The following NPFFR2 variants were observed in gnomAD, a reference collection of about 807,000 sequenced individuals.
NPFFR2 encodes G-protein coupled receptor 74.
NPFFR2 carries 15 observed loss-of-function variants against 13.1 expected under a neutral mutation model. That is an observed-to-expected ratio of 1.15 (90% CI 0.77 to 1.76). The LOEUF is 1.76. Ranked by LOEUF, NPFFR2 falls within the 40% of genes most tolerant of loss-of-function variation. NPFFR2 has a pLI of 0.00. For missense variants in NPFFR2, 572 were observed against 503.5 expected (o/e 1.14, Z -1.30); for synonymous variants, 190 against 175.7 (o/e 1.08, Z -0.65).
intron 1 of NPFFR2, among the ~76,000 whole-genome samples, chr4:72,116,841 A>G (rs1170338515): frequency 1.3e-5 from 2 of 151,930 alleles, no homozygotes; most frequent in Non-Finnish European, 2.9e-5. Flanking sequence ...TTTGTGTTGT[A>G]TCTTCTTTTC....
Position 72,147,725 on chromosome 4 carries a change from C to T in NPFFR2, c.1176C>T (p.Thr392=), listed in dbSNP as rs1722833786. Residue 392 remains threonine (T), a synonymous_variant, in exon 4 of 4, where the codon ACC becomes ACT. Transcript: ENST00000308744. ...ESTFQNPHGE[T]LLYRKSAEKP... The stretch of plus-strand genomic sequence containing the variant: ...CATTTCAAAACCCTCATGGGGAAAC[C>T]TTGCTTTATAGGAAAAGTGCTGAAA... 6.2e-7 allele frequency: 1 copy of T among 1,611,142 alleles called. No individual in the cohort carries two copies. Among genetic ancestry groups the T allele is most frequent in the Non-Finnish European group, 8.5e-7 (1 of 1,179,324 alleles).
intron 3 of NPFFR2, among the ~76,000 whole-genome samples, chr4:72,142,483 G>A (rs988823205): frequency 6.6e-6 from 1 of 152,112 alleles, no homozygotes; most frequent in African/African-American, 2.4e-5. Flanking sequence ...ACCTCAGGTG[G>A]AAATGCAGAA....
At chr4:72,082,564 T>C (rs926936887) in intron 1 of NPFFR2, among the ~76,000 whole-genome samples, 2 of 152,174 alleles carry the variant, frequency 1.3e-5, no homozygotes, top group Admixed American at 6.5e-5. Flanking sequence ...ATTTATGGTG[T>C]ACATTGATGG....
At chr4:72,107,059 G>C (rs1353150749) in intron 1 of NPFFR2, among the ~76,000 whole-genome samples, 1 of 151,656 alleles carries the variant, frequency 6.6e-6, no homozygotes, top group African/African-American at 2.4e-5. Flanking sequence ...GTGTGCCCAG[G>C]ATTTTCCTGG....
At chr4:72,112,119 TTATC>T (rs1362336876) in intron 1 of NPFFR2, among the ~76,000 whole-genome samples, 3 of 151,980 alleles carry the variant, frequency 2.0e-5, no homozygotes, top group Non-Finnish European at 4.4e-5. Flanking sequence ...CTCAATGACT[TTATC>T]TATGGAAACA....
chr4:72,105,942 A>G (rs969029135), intron 1 of NPFFR2, among the ~76,000 whole-genome samples: 23 of 152,110 alleles, frequency 1.5e-4, no homozygotes, highest in African/African-American at 5.5e-4. Flanking sequence ...AAGCCCCAAG[A>G]CTATTATTGA....
At chr4:72,099,179 C>T (rs538237836) in intron 1 of NPFFR2, among the ~76,000 whole-genome samples, 1 of 152,222 alleles carries the variant, frequency 6.6e-6, no homozygotes, top group South Asian at 2.1e-4. Context: ...GAAAGCATAA[C>T]AATCACATGC....
intron 1 of NPFFR2, among the ~76,000 whole-genome samples, chr4:72,084,240 C>T (rs1720707857): frequency 1.3e-5 from 2 of 152,152 alleles, no homozygotes. Flanking sequence ...TTTACCATGG[C>T]TTGTAAAAAT....
intron 1 of NPFFR2, chr4:72,068,915 C>T (rs9884478): frequency 0.95 from 1,039,042 of 1,095,284 alleles, 497,350 homozygotes; most frequent in Non-Finnish European, 0.98. Context: ...ATTTCCAGGT[C>T]TCCTCAGTTG....
Position 72,147,875 on chromosome 4 carries a change from G to T in NPFFR2, c.*63G>T. The T allele has an allele frequency of 8.0e-7, 1 of 1,244,968 alleles. No individual in the cohort carries two copies. Among genetic ancestry groups the T allele is most frequent in the Non-Finnish European group, 1.1e-6 (1 of 925,904 alleles). 77.1% of individuals were successfully genotyped at this position (1,244,968 alleles called of 1,614,324 possible). A position where few individuals can be genotyped will look rare whatever the true frequency, so the allele number is the denominator to read the frequency against. ...TATATATTTAAATCCATTGCTTTTT[G>T]TGGCTTTGCACTTCAAATTTTTCAA... On this transcript the variant is annotated 3_prime_UTR_variant, in exon 4 of 4. Transcript: ENST00000308744.
At chr4:72,123,547 A>G (rs1721952540) in intron 1 of NPFFR2, among the ~76,000 whole-genome samples, 1 of 152,344 alleles carries the variant, frequency 6.6e-6, no homozygotes, top group East Asian at 1.9e-4. Flanking sequence ...GAGGCAGCAC[A>G]TCAAAAAGTT....
chr4:72,108,044 G>A (rs1204386624), intron 1 of NPFFR2, among the ~76,000 whole-genome samples: 1 of 151,956 alleles, frequency 6.6e-6, no homozygotes, highest in East Asian at 1.9e-4. Context: ...CTGGGACATT[G>A]AGAGTGGTGA....
intron 2 of NPFFR2, among the ~76,000 whole-genome samples, chr4:72,130,642 C>G (rs1447196440): frequency 6.6e-6 from 1 of 152,156 alleles, no homozygotes; most frequent in Non-Finnish European, 1.5e-5. Flanking sequence ...CTGCAACTCT[C>G]AAGCCCCTTG....
At chr4:72,115,390 A>C (rs533624434) in intron 1 of NPFFR2, among the ~76,000 whole-genome samples, 1 of 152,196 alleles carries the variant, frequency 6.6e-6, no homozygotes, top group South Asian at 2.1e-4. Context: ...TTAATCTTTT[A>C]AATTTTTGCC....
intron 1 of NPFFR2, among the ~76,000 whole-genome samples, chr4:72,104,021 A>G (rs1035700923): frequency 3.3e-5 from 5 of 152,086 alleles, no homozygotes; most frequent in African/African-American, 1.2e-4. Flanking sequence ...GGAATATTTA[A>G]TGAGCAGTTT....
intron 1 of NPFFR2, among the ~76,000 whole-genome samples, chr4:72,078,391 G>A (rs1720505846): frequency 6.6e-6 from 1 of 152,052 alleles, no homozygotes; most frequent in South Asian, 2.1e-4. Context: ...ATGAGTGAGA[G>A]CAGATAGCAA....
intron 1 of NPFFR2, among the ~76,000 whole-genome samples, chr4:72,046,089 C>G (rs1008559678): frequency 2.0e-5 from 3 of 151,976 alleles, no homozygotes; most frequent in African/African-American, 7.3e-5. Flanking sequence ...GTAAATACCA[C>G]AGGTAGGCAA....
At position 72,140,102 on chromosome 4, in the gene NPFFR2, G is replaced by T. The variant is rs1483615901; in HGVS notation, c.428+1963G>T. Among the ~76,000 whole-genome samples the T allele has an allele frequency of 5.9e-5, 9 of 152,254 alleles. No homozygotes were observed. The East Asian group carries it at 1.5e-3, about 26-fold the overall frequency. On this transcript the variant is annotated intron_variant, in intron 3 of 3. Transcript: ENST00000308744. Reference sequence around the variant, plus strand: ...GGAATGCTTGTGATTTTTGCACATTGATTTTGTATCCTGAGACTTTGCTGA... The same window carrying T: ...GGAATGCTTGTGATTTTTGCACATTTATTTTGTATCCTGAGACTTTGCTGA...
At chr4:72,118,369 A>G (rs1721770697) in intron 1 of NPFFR2, among the ~76,000 whole-genome samples, 1 of 152,230 alleles carries the variant, frequency 6.6e-6, no homozygotes, top group South Asian at 2.1e-4. Flanking sequence ...TTATCCAATG[A>G]AAACCTAACA....
Sources: allele counts gnomAD v4.1 joint callset (sites outside exome capture counted in the v4.1 genomes callset), GRCh38; gene constraint gnomAD v4.1.1; transcripts MANE v1.5; gene names NCBI Gene and HGNC (gene_info 2026-07-23, HGNC 2026-07-21).